The following CIB2 variants were observed in gnomAD, a reference collection of about 807,000 sequenced individuals.
The protein encoded by CIB2 is calcium and integrin binding family member 2, also known as calcium and integrin-binding family member 2.
Under a neutral mutation model 23.1 loss-of-function variants are expected in CIB2, and 19 were observed. The ratio of observed to expected loss-of-function variants is 0.82; its 90% CI spans 0.57 to 1.21. The LOEUF (loss-of-function observed/expected upper bound fraction) is 1.21, where lower values mean the gene tolerates loss of function less well. CIB2 is among the 50% of genes most tolerant of loss of function. The pLI is 0.00. For synonymous variants in CIB2, 94 were observed against 91.7 expected (o/e 1.03, Z -0.14); for missense variants, 220 against 241.5 (o/e 0.91, Z 0.59).
intron 1 of CIB2, among the ~76,000 whole-genome samples, chr15:78,125,849 T>C (rs995049207): frequency 6.6e-6 from 1 of 152,198 alleles, no homozygotes; most frequent in Non-Finnish European, 1.5e-5. Context: ...TCCCCAAGGA[T>C]GGATCCAGGC....
At position 78,105,227 on chromosome 15, in the gene CIB2, T is replaced by C; in HGVS notation, c.*84A>G. 6.3e-7 allele frequency: 1 copy of C among 1,585,804 alleles called. No individual in the cohort carries two copies. Among genetic ancestry groups the C allele is most frequent in the Non-Finnish European group, 8.6e-7 (1 of 1,158,272 alleles). On this transcript the variant is annotated 3_prime_UTR_variant, in exon 6 of 6. Coordinates refer to ENST00000258930, the MANE Select transcript of CIB2 (RefSeq NM_006383.4). ...GTAAACCCCAGAGGCTGCCACTGCT[T>C]TCCTGGGGAGCTTGGAGGCCACACC...
chr15:78,128,787 G>A (rs1040434848), intron 1 of CIB2, among the ~76,000 whole-genome samples: 3 of 152,068 alleles, frequency 2.0e-5, no homozygotes, highest in Non-Finnish European at 2.9e-5. Context: ...CAGGAGGGGC[G>A]CAGGAGGGAG....
Position 78,115,163 on chromosome 15 carries a change from G to A in CIB2, c.87-3887C>T, listed in dbSNP as rs1293932899. Among the ~76,000 whole-genome samples, 7 of 152,300 alleles carry A rather than the reference G, an allele frequency of 4.6e-5. No homozygotes were observed. In the East Asian group the frequency reaches 1.3e-3, roughly 29 times the overall value. On this transcript the variant is annotated intron_variant, in intron 2 of 5. Coordinates refer to ENST00000258930, the MANE Select transcript of CIB2 (RefSeq NM_006383.4). ...ATGTTTACACTGATAGTCCCTGGGA[G>A]GTGGGAGTAGAGAAATGTGAAAAGA...
At chr15:78,113,537 T>TTTCTTTC (rs757432232) in intron 2 of CIB2, among the ~76,000 whole-genome samples, 4,628 of 47,238 alleles carry the variant, frequency 0.098, 104 homozygotes, top group East Asian at 0.49. Flanking sequence ...TCTTTCTTTC[T>TTTCTTTC]TTTTTTTTTT....
At position 78,117,275 on chromosome 15, in the gene CIB2, A is replaced by AAAAAAAAAAAAAAAATT. The variant is rs2074254789; in HGVS notation, c.87-6000_87-5999insAATTTTTTTTTTTTTTT. Among the ~76,000 whole-genome samples the AAAAAAAAAAAAAAAATT allele has an allele frequency of 6.5e-5, 9 of 139,256 alleles. No homozygotes were observed. In the East Asian group the frequency reaches 6.5e-4, roughly 10 times the overall value. The allele number at this position is 139,256 out of a possible 152,430, so 91.4% of individuals were successfully genotyped here. The stretch of plus-strand genomic sequence containing the variant: ...AAAAAAAAAAAAAAAAAAAAAAAAA[A>AAAAAAAAAAAAAAAATT]GTTTGTTTAAAAGAATAAATGTAGG... On this transcript the variant is annotated intron_variant, in intron 2 of 5. Transcript: ENST00000258930.
chr15:78,121,566 C>T (rs1404728058), intron 2 of CIB2, among the ~76,000 whole-genome samples: 2 of 152,122 alleles, frequency 1.3e-5, no homozygotes, highest in African/African-American at 4.8e-5. Flanking sequence ...GGGGCAGTTA[C>T]CCCGAGGCTG....
At chr15:78,124,417 G>C (rs371779879) in intron 1 of CIB2, among the ~76,000 whole-genome samples, 6 of 151,962 alleles carry the variant, frequency 3.9e-5, no homozygotes, top group Non-Finnish European at 8.8e-5. Flanking sequence ...TACTCCAGGT[G>C]GGGGGCAGCA....
chr15:78,122,081 T>C (rs535845403), intron 2 of CIB2, among the ~76,000 whole-genome samples: 1 of 152,298 alleles, frequency 6.6e-6, no homozygotes, highest in South Asian at 2.1e-4. Flanking sequence ...CCATGCTCCC[T>C]GTTAGTCCTG....
chr15:78,120,100 C>T (rs2074298037), intron 2 of CIB2, among the ~76,000 whole-genome samples: 1 of 152,024 alleles, frequency 6.6e-6, no homozygotes, highest in African/African-American at 2.4e-5. Context: ...ACAGGGGTCT[C>T]ACCATGTTGG....
chr15:78,126,147 C>G (rs1276867871), intron 1 of CIB2, among the ~76,000 whole-genome samples: 3 of 145,092 alleles, frequency 2.1e-5, no homozygotes, highest in Non-Finnish European at 4.5e-5. Flanking sequence ...CCTGCCCCCC[C>G]CCCTTTTTTT....
chr15:78,107,766 G>A (rs1359090152), intron 4 of CIB2, among the ~76,000 whole-genome samples: 1 of 152,230 alleles, frequency 6.6e-6, no homozygotes, highest in Non-Finnish European at 1.5e-5. Flanking sequence ...TGAGCCATGT[G>A]GGCATAGTTT....
At chr15:78,114,828 G>A (rs796935155) in intron 2 of CIB2, among the ~76,000 whole-genome samples, 90 of 150,900 alleles carry the variant, frequency 6.0e-4, no homozygotes, top group African/African-American at 2.1e-3. Context: ...TGCATCAGTA[G>A]TCCTAGCTAC....
intron 4 of CIB2, among the ~76,000 whole-genome samples, chr15:78,108,599 G>C (rs534289384): frequency 6.6e-6 from 1 of 151,402 alleles, no homozygotes; most frequent in Non-Finnish European, 1.5e-5. Flanking sequence ...GGCAGTATTC[G>C]GGGGGGCTCC....
chr15:78,117,404 A>C (rs2074256831), intron 2 of CIB2, among the ~76,000 whole-genome samples: 1 of 152,178 alleles, frequency 6.6e-6, no homozygotes, highest in Non-Finnish European at 1.5e-5. Flanking sequence ...TGTATGAAAC[A>C]GACATTGGCA....
intron 2 of CIB2, among the ~76,000 whole-genome samples, chr15:78,115,676 C>CTTTTTTTTTT (rs56754406): frequency 8.4e-5 from 6 of 71,314 alleles, no homozygotes; most frequent in East Asian, 4.3e-4. Flanking sequence ...ATCTCCTTCT[C>CTTTTTTTTTT]TTTTTTTTTT....
At chr15:78,111,071 A>C in intron 3 of CIB2, 94 bp downstream of exon 3, 1 of 1,017,268 alleles carries the variant, frequency 9.8e-7, no homozygotes, top group South Asian at 1.3e-5. Flanking sequence ...GCAGACACAA[A>C]GGGTGGAGCT....
chr15:78,128,436 G>A (rs2074410063), intron 1 of CIB2, among the ~76,000 whole-genome samples: 1 of 152,212 alleles, frequency 6.6e-6, no homozygotes. Flanking sequence ...CAACACTCTG[G>A]GAGGCCAAGG....
rs2074451672 is a variant in CIB2 at position 78,131,233 on chromosome 15, C to G, written c.-18G>C. 1 of 1,489,406 alleles carries G rather than the reference C, an allele frequency of 6.7e-7. No homozygotes were observed. The highest frequency in any genetic ancestry group is 9.0e-7 in the Non-Finnish European group (1 of 1,115,634). 92.3% of individuals were successfully genotyped at this position (1,489,406 alleles called of 1,614,324 possible). ...TTCCCCATGGTGGCCGCCGCGCCGCCGCTCGCCCGCCCGGGCTCCGACTCC... is the reference window on the plus strand; with the variant it reads ...TTCCCCATGGTGGCCGCCGCGCCGCGGCTCGCCCGCCCGGGCTCCGACTCC... On this transcript the variant is annotated 5_prime_UTR_variant, in exon 1 of 6. Transcript: ENST00000258930. The surrounding 1 kb of genome is among the most constrained non-coding windows in gnomAD (Gnocchi z 5.8).
In CIB2 at chr15:78,105,011, G is replaced by A. The variant is rs1297327084; in HGVS notation, c.*300C>T. On this transcript the variant is annotated 3_prime_UTR_variant, in exon 6 of 6. Coordinates refer to ENST00000258930, the MANE Select transcript of CIB2 (RefSeq NM_006383.4). ...TTGGGTTATCTGCTTTTCCCTCTTTGGGGGGGTGGGGAGCATTTCTGGAGT... is the reference window on the plus strand; with the variant it reads ...TTGGGTTATCTGCTTTTCCCTCTTTAGGGGGGTGGGGAGCATTTCTGGAGT... 1.4e-4 allele frequency: 59 copies of A among 421,508 alleles called. No individual in the cohort carries two copies. The highest frequency in any genetic ancestry group is 8.0e-5 in the African/African-American group (4 of 49,974). The allele number at this position is 421,508 out of a possible 1,614,324, so 26.1% of individuals were successfully genotyped here.
Sources: gnomAD v4.1 joint callset for allele counts (sites outside exome capture counted in the v4.1 genomes callset) on GRCh38, gnomAD v4.1.1 for gene constraint, Gnocchi (gnomAD v3.1) non-coding constraint, MANE v1.5 for transcripts, NCBI Gene and HGNC (gene_info 2026-07-23, HGNC 2026-07-21) for gene names.